The following GRIP1 variants were observed in gnomAD, a reference collection of about 807,000 sequenced individuals.
The protein encoded by GRIP1 is glutamate receptor interacting protein 1.
In GRIP1, 45 loss-of-function variants were observed where a neutral mutation model predicts 129.9. The ratio of observed to expected loss-of-function variants is 0.35; its 90% confidence interval spans 0.27 to 0.44. The LOEUF (loss-of-function observed/expected upper bound fraction) is 0.44. Ranked by LOEUF, GRIP1 falls within the 20% of genes least tolerant of loss-of-function variation. The probability of loss-of-function intolerance (pLI) is 1.00; values close to 1 mark genes in which losing one functional copy is unlikely to be tolerated. For missense variants in GRIP1, 1,196 were observed against 1,396.8 expected (o/e 0.86, Z 2.29); for synonymous variants, 530 against 520.8 (o/e 1.02, Z -0.24).
chr12:67,068,269 T>C (rs1260025291), intron 1 of GRIP1, among the ~76,000 whole-genome samples: 1 of 152,132 alleles, frequency 6.6e-6, no homozygotes, highest in African/African-American at 2.4e-5. Context: ...AAGCAAAGTG[T>C]CCAGCACACT....
At chr12:66,485,338 G>A (rs1055901412) in intron 7 of GRIP1, among the ~76,000 whole-genome samples, 23 of 151,924 alleles carry the variant, frequency 1.5e-4, no homozygotes, top group South Asian at 6.2e-4. Flanking sequence ...CTTTTGTGAC[G>A]TGTCTGATCA....
intron 1 of GRIP1, among the ~76,000 whole-genome samples, chr12:66,659,432 T>C (rs1437323679): frequency 6.6e-6 from 1 of 152,262 alleles, no homozygotes; most frequent in African/African-American, 2.4e-5. Flanking sequence ...ATAAATGAAG[T>C]TGTCATTGTG....
chr12:67,049,554 C>T (rs1237056342), intron 1 of GRIP1, among the ~76,000 whole-genome samples: 2 of 151,982 alleles, frequency 1.3e-5, no homozygotes, highest in East Asian at 3.9e-4. Context: ...CACACCAGGG[C>T]CTGTCAGGGG....
intron 1 of GRIP1, among the ~76,000 whole-genome samples, chr12:66,740,039 C>T (rs925445585): frequency 6.6e-6 from 1 of 152,148 alleles, no homozygotes; most frequent in African/African-American, 2.4e-5. Context: ...ACCCTGAGTC[C>T]TGCCATTTTT....
chr12:66,406,491 G>A (rs1402859771), intron 15 of GRIP1, 63 bp from the exon 16 acceptor site: 5 of 1,483,392 alleles, frequency 3.4e-6, no homozygotes, highest in Non-Finnish European at 4.7e-6. Context: ...CATTTAAAGA[G>A]GCATTAAGCA....
chr12:66,463,257 C>A (rs1466580672), intron 8 of GRIP1, among the ~76,000 whole-genome samples, 164 bp from the exon 9 acceptor site: 2 of 151,936 alleles, frequency 1.3e-5, no homozygotes, highest in Non-Finnish European at 2.9e-5. Flanking sequence ...TTTTAAGTAC[C>A]TTGAATATGA....
intron 1 of GRIP1, among the ~76,000 whole-genome samples, chr12:66,851,238 G>A (rs574171548): frequency 8.2e-4 from 124 of 151,754 alleles, no homozygotes; most frequent in Admixed American, 1.1e-3. Context: ...TCTGAAAGAC[G>A]GCATCCTTTA....
intron 1 of GRIP1, among the ~76,000 whole-genome samples, chr12:66,847,598 T>A (rs1316524754): frequency 6.6e-6 from 1 of 152,144 alleles, no homozygotes; most frequent in African/African-American, 2.4e-5. Context: ...ACTTTGAAGG[T>A]AAAATGGCCG....
chr12:66,565,707 A>G (rs1399850070), intron 2 of GRIP1, among the ~76,000 whole-genome samples: 1 of 152,094 alleles, frequency 6.6e-6, no homozygotes, highest in East Asian at 1.9e-4. Flanking sequence ...TCTATAAGTT[A>G]CCTTGGGCAG....
In GRIP1 at chr12:66,994,735, A is replaced by G. The variant is rs182942716; in HGVS notation, c.58+74315T>C. ...ATAGAAAGTCTTCTGTTAATGAAAC[A>G]GAAGACTTAATATTGTTAAGATGGT... On this transcript the variant is annotated intron_variant, in intron 1 of 1. Transcript: ENST00000643019. 4.9e-4 allele frequency among the ~76,000 whole-genome samples: 74 copies of G among 152,234 alleles called. 1 individual carries two copies. The highest frequency in any genetic ancestry group is 1.2e-3 in the South Asian group (6 of 4,828).
intron 1 of GRIP1, among the ~76,000 whole-genome samples, chr12:66,654,512 A>T (rs12424854): frequency 0.49 from 74,877 of 152,022 alleles, 19,541 homozygotes; most frequent in East Asian, 0.67. Flanking sequence ...AGCACTAAGA[A>T]AAGAGGAGTT....
chr12:66,926,031 G>T (rs901441888), intron 1 of GRIP1, among the ~76,000 whole-genome samples: 3 of 152,202 alleles, frequency 2.0e-5, no homozygotes, highest in Non-Finnish European at 4.4e-5. Context: ...CTGTTTATTA[G>T]ATATTTTAAT....
rs201844831 is a variant in GRIP1, at chr12:66,794,435, G to A, written c.-420+9618C>T. On this transcript the variant is annotated intron_variant, in intron 1 of 4. Transcript: ENST00000538373. ...AATCACAAAACGATGGAGTAATTGG[G>A]GGTGCCATTCACATACACAGGGGCT... Among the ~76,000 whole-genome samples the A allele has an allele frequency of 9.2e-5, 14 of 152,282 alleles. No individual in the cohort carries two copies. The East Asian group carries it at 2.5e-3, about 27-fold the overall frequency.
At chr12:66,744,901 C>G (rs1195408301) in intron 1 of GRIP1, among the ~76,000 whole-genome samples, 1 of 152,104 alleles carries the variant, frequency 6.6e-6, no homozygotes, top group Non-Finnish European at 1.5e-5. Flanking sequence ...TATTGTATGG[C>G]TATGTTATAT....
intron 1 of GRIP1, among the ~76,000 whole-genome samples, chr12:67,043,935 TTTG>T (rs1301109926): frequency 2.6e-5 from 4 of 152,146 alleles, no homozygotes; most frequent in Non-Finnish European, 5.9e-5. Context: ...AAAGAAGCTA[TTTG>T]GAGGAAATCC....
At chr12:66,508,608 A>T (rs1471749555) in intron 7 of GRIP1, among the ~76,000 whole-genome samples, 1 of 152,124 alleles carries the variant, frequency 6.6e-6, no homozygotes, top group Non-Finnish European at 1.5e-5. Flanking sequence ...TGTGCATAGG[A>T]ATACTAGATA....
At chr12:66,440,222 A>G (rs895830327) in intron 13 of GRIP1, among the ~76,000 whole-genome samples, 2 of 152,132 alleles carry the variant, frequency 1.3e-5, no homozygotes, top group Admixed American at 1.3e-4. Flanking sequence ...GTTACATGGG[A>G]TACTTTGATA....
intron 4 of GRIP1, 28 bp downstream of exon 4, chr12:66,539,050 T>C: frequency 6.3e-7 from 1 of 1,599,276 alleles, no homozygotes. Context: ...ATGTATCCCC[T>C]ATGGATAAGG....
chr12:66,638,672 C>T (rs2031636286), intron 1 of GRIP1, among the ~76,000 whole-genome samples: 1 of 152,146 alleles, frequency 6.6e-6, no homozygotes, highest in Admixed American at 6.6e-5. Flanking sequence ...AATACGAAAT[C>T]AATTTTGTCA....
Sources: allele counts gnomAD v4.1 joint callset (sites outside exome capture counted in the v4.1 genomes callset), GRCh38; gene constraint gnomAD v4.1.1; transcripts MANE v1.5; gene names NCBI Gene and HGNC (gene_info 2026-07-23, HGNC 2026-07-21).